Variants in EIF4E observed in about 807,000 individuals in gnomAD.
EIF4E encodes eukaryotic translation initiation factor 4E, also known as eIF-4F 25 kDa subunit.
For synonymous variants in EIF4E, 71 were observed against 88.5 expected (o/e 0.80, Z 1.11); for missense variants, 113 against 265.6 (o/e 0.43, Z 3.99).
intron 1 of EIF4E, among the ~76,000 whole-genome samples, chr4:98,925,061 T>C (rs770714987): frequency 1.3e-5 from 2 of 152,226 alleles, no homozygotes; most frequent in African/African-American, 2.4e-5. Flanking sequence ...ATGAATTATA[T>C]AGTACAACAA....
chr4:98,921,995 A>G (rs1725660927), intron 1 of EIF4E, among the ~76,000 whole-genome samples: 1 of 152,206 alleles, frequency 6.6e-6, no homozygotes, highest in South Asian at 2.1e-4. Flanking sequence ...GTTATCTAAC[A>G]TTGTAATATA....
Position 98,891,630 on chromosome 4 carries a change from A to G in EIF4E, c.126-298T>C, listed in dbSNP as rs1014739779. ...TAAGAAGTCAAATTCATAGAAACAA[A>G]AAGAATGGTGATTGCCACTAGCCAA... is the stretch of plus-strand genomic sequence containing the variant. On this transcript the variant is annotated intron_variant, in intron 2 of 6. Coordinates refer to ENST00000450253, the MANE Select transcript of EIF4E (RefSeq NM_001968.5). 5.5e-5 allele frequency: 18 copies of G among 326,322 alleles called. No individual in the cohort carries two copies. The East Asian group carries it at 1.1e-3, about 20-fold the overall frequency. 20.2% of individuals were successfully genotyped at this position (326,322 alleles called of 1,614,324 possible).
intron 1 of EIF4E, among the ~76,000 whole-genome samples, chr4:98,904,824 A>G (rs1466855139): frequency 1.3e-5 from 2 of 152,148 alleles, no homozygotes; most frequent in Admixed American, 1.3e-4. Context: ...CAACTTAAAA[A>G]AGGAGCTACA....
intron 2 of EIF4E, among the ~76,000 whole-genome samples, chr4:98,896,667 CAAAAAAAAA>C (rs61329973): frequency 1.5e-4 from 7 of 47,680 alleles, no homozygotes; most frequent in East Asian, 7.9e-4. Context: ...ATGTCTCTTC[CAAAAAAAAA>C]AAAAAAAAAA....
In EIF4E at chr4:98,880,885, G is replaced by C; in HGVS notation, c.*143C>G. 7.1e-7 allele frequency: 1 copy of C among 1,402,746 alleles called. No individual in the cohort carries two copies. Among genetic ancestry groups the C allele is most frequent in the Non-Finnish European group, 9.5e-7 (1 of 1,055,166 alleles). The allele number at this position is 1,402,746 out of a possible 1,614,324, so 86.9% of individuals were successfully genotyped here. On this transcript the variant is annotated 3_prime_UTR_variant, in exon 7 of 7. Coordinates refer to ENST00000450253, the MANE Select transcript of EIF4E (RefSeq NM_001968.5). ...AGAAGTACAAGACAAAGGCGAATGA[G>C]ACTTCTCTTATATCTGAGTAACATT...
chr4:98,909,740 T>C (rs1262950543), intron 1 of EIF4E: 1 of 706,256 alleles, frequency 1.4e-6, no homozygotes. Flanking sequence ...TCTTCAGCTC[T>C]CATTTTTTTT....
chr4:98,894,273 T>C (rs1472422474), intron 2 of EIF4E, among the ~76,000 whole-genome samples: 2 of 152,218 alleles, frequency 1.3e-5, no homozygotes, highest in Non-Finnish European at 2.9e-5. Context: ...GGCTGCAAGA[T>C]CCCCTAACAA....
chr4:98,915,857 A>G (rs1725355646), intron 1 of EIF4E, among the ~76,000 whole-genome samples: 1 of 151,668 alleles, frequency 6.6e-6, no homozygotes, highest in African/African-American at 2.4e-5. Flanking sequence ...CTTTAATAAT[A>G]CTTTTCTTCA....
intron 6 of EIF4E, among the ~76,000 whole-genome samples, chr4:98,883,904 T>C (rs1723804442): frequency 6.6e-6 from 1 of 151,564 alleles, no homozygotes; most frequent in Non-Finnish European, 1.5e-5. Context: ...CCAGGTGTGG[T>C]CATACACACC....
At chr4:98,897,849 A>T (rs1220829218) in intron 2 of EIF4E, among the ~76,000 whole-genome samples, 1 of 152,210 alleles carries the variant, frequency 6.6e-6, no homozygotes, top group Non-Finnish European at 1.5e-5. Flanking sequence ...ATATTAATGA[A>T]TTATTATTGT....
chr4:98,902,950 C>T (rs183508534), intron 1 of EIF4E, among the ~76,000 whole-genome samples: 7 of 152,304 alleles, frequency 4.6e-5, no homozygotes, highest in Admixed American at 1.3e-4. Flanking sequence ...TTTACCCTAT[C>T]GTAACCTAAA....
Position 98,923,207 on chromosome 4 carries a change from A to C in EIF4E, c.18+5888T>G, listed in dbSNP as rs1379591321. On this transcript the variant is annotated intron_variant, in intron 1 of 6. Coordinates refer to ENST00000450253, the MANE Select transcript of EIF4E (RefSeq NM_001968.5). ...TCAAAAGTTCCAACTGGGGAAACAA[A>C]AAAAAAAAAACCCCTTATATTTCTG... Among the ~76,000 whole-genome samples the C allele has an allele frequency of 3.7e-4, 56 of 151,644 alleles. 1 individual carries two copies. The highest frequency in any genetic ancestry group is 3.6e-3 in the Admixed American group (55 of 15,260).
intron 2 of EIF4E, among the ~76,000 whole-genome samples, chr4:98,896,075 A>G (rs1416543890): frequency 1.3e-5 from 2 of 152,102 alleles, no homozygotes; most frequent in African/African-American, 2.4e-5. Context: ...ACGCGCCTGT[A>G]GTCCCAGCTA....
At chr4:98,917,111 CACACACACACACACACACACACAAAA>C (rs1360556620) in intron 1 of EIF4E, among the ~76,000 whole-genome samples, 56 of 79,812 alleles carry the variant, frequency 7.0e-4, no homozygotes, top group African/African-American at 2.9e-3. Context: ...CACACACACA[CACACACACACACACACACACACAAAA>C]AAAACCCAAA....
chr4:98,909,519 A>G, intron 1 of EIF4E: 1 of 605,294 alleles, frequency 1.7e-6, no homozygotes, highest in East Asian at 2.9e-5. Context: ...TGCAAAAAAC[A>G]CCCTGTACAT....
At chr4:98,913,189 C>G (rs1725228116) in intron 1 of EIF4E, among the ~76,000 whole-genome samples, 1 of 148,196 alleles carries the variant, frequency 6.7e-6, no homozygotes, top group South Asian at 2.1e-4. Flanking sequence ...GCCTGGGCAA[C>G]AGAGCAAGAC....
rs1723593475 is a variant in EIF4E, at chr4:98,879,688, A to G, written c.*1340T>C. 6.6e-6 allele frequency: 1 copy of G among 152,156 alleles called. No individual in the cohort carries two copies. The highest frequency in any genetic ancestry group is 1.5e-5 in the Non-Finnish European group (1 of 67,990). The allele number at this position is 152,156 out of a possible 1,614,324, so 9.4% of individuals were successfully genotyped here. On this transcript the variant is annotated 3_prime_UTR_variant, in exon 7 of 7. Transcript: ENST00000450253. Reference sequence around the variant, plus strand: ...CTACACTATCATTTTGACACTTAACATAGAAACAACTCAATTCAGCAACCA... The same window carrying G: ...CTACACTATCATTTTGACACTTAACGTAGAAACAACTCAATTCAGCAACCA...
intron 2 of EIF4E, among the ~76,000 whole-genome samples, chr4:98,900,461 T>A (rs1234261756): frequency 6.6e-6 from 1 of 151,940 alleles, no homozygotes; most frequent in Non-Finnish European, 1.5e-5. Flanking sequence ...AGGAAACATT[T>A]AAAAAAATTG....
chr4:98,906,072 A>G (rs1449118450), intron 1 of EIF4E, among the ~76,000 whole-genome samples: 1 of 152,158 alleles, frequency 6.6e-6, no homozygotes, highest in Non-Finnish European at 1.5e-5. Flanking sequence ...AACATTCAAG[A>G]TTTCTCAGCA....
Sources: gnomAD v4.1 joint callset for allele counts (sites outside exome capture counted in the v4.1 genomes callset) on GRCh38, gnomAD v4.1.1 for gene constraint, MANE v1.5 for transcripts, NCBI Gene and HGNC (gene_info 2026-07-23, HGNC 2026-07-21) for gene names.